Variants in ANO2 observed in about 807,000 individuals in gnomAD.
The protein encoded by ANO2 is anoctamin-2.
In ANO2, 101 loss-of-function variants were observed where a neutral mutation model predicts 124.2. That is an observed-to-expected ratio of 0.81 (90% confidence interval 0.69 to 0.96). The LOEUF (loss-of-function observed/expected upper bound fraction) is 0.96, where lower values mean the gene tolerates loss of function less well. Among genes scored for constraint, ANO2 ranks in the 40% least tolerant of loss-of-function variants. The pLI is 0.00. For synonymous variants in ANO2, 486 were observed against 482.5 expected, an observed-to-expected ratio of 1.01 and a Z score of -0.09; for missense variants, 1,293 against 1,274.5, an observed-to-expected ratio of 1.01 and a Z score of -0.22.
At chr12:5,671,052 G>T (rs1298749796) in intron 14 of ANO2, among the ~76,000 whole-genome samples, 2 of 152,188 alleles carry the variant, frequency 1.3e-5, no homozygotes, top group African/African-American at 4.8e-5. Flanking sequence ...GCTGGCATCT[G>T]CCCTCTCAGA....
At chr12:5,941,561 AAAAT>A (rs1565799516) in intron 1 of ANO2, among the ~76,000 whole-genome samples, 3 of 152,172 alleles carry the variant, frequency 2.0e-5, no homozygotes, top group African/African-American at 7.2e-5. Flanking sequence ...AAGAAGAAAA[AAAAT>A]AAAATAAAAA....
At chr12:5,935,785 A>G (rs1565795143) in intron 1 of ANO2, among the ~76,000 whole-genome samples, 1 of 152,226 alleles carries the variant, frequency 6.6e-6, no homozygotes, top group Non-Finnish European at 1.5e-5. Context: ...CAAGAAGGTT[A>G]AAATATTGAT....
chr12:5,703,533 C>CATTTTT (rs1340507518), intron 14 of ANO2, among the ~76,000 whole-genome samples: 11 of 151,978 alleles, frequency 7.2e-5, no homozygotes, highest in Non-Finnish European at 1.3e-4. Context: ...TATTCATTAG[C>CATTTTT]ATTTTTATTT....
At chr12:5,571,312 G>A (rs1591642805) in intron 23 of ANO2, among the ~76,000 whole-genome samples, 1 of 152,212 alleles carries the variant, frequency 6.6e-6, no homozygotes, top group Non-Finnish European at 1.5e-5. Context: ...TGATGTCACG[G>A]GACTGTTTAC....
At chr12:5,637,018 G>A (rs112900116) in intron 15 of ANO2, among the ~76,000 whole-genome samples, 1 of 150,992 alleles carries the variant, frequency 6.6e-6, no homozygotes, top group African/African-American at 2.4e-5. Context: ...TGTGGGGAGA[G>A]GAGAGGTTAG....
At chr12:5,614,380 T>C (rs150708399) in intron 17 of ANO2, among the ~76,000 whole-genome samples, 17 of 152,258 alleles carry the variant, frequency 1.1e-4, no homozygotes, top group Non-Finnish European at 1.9e-4. Flanking sequence ...ACCATGTTGG[T>C]TGAGGCTCTG....
chr12:5,871,585 T>C (rs1271503219), intron 3 of ANO2, among the ~76,000 whole-genome samples: 1 of 152,150 alleles, frequency 6.6e-6, no homozygotes, highest in African/African-American at 2.4e-5. Context: ...CCTATTGTGA[T>C]CTGTGCACGC....
chr12:5,768,729 G>A (rs1456420621), intron 10 of ANO2, among the ~76,000 whole-genome samples: 3 of 152,250 alleles, frequency 2.0e-5, no homozygotes, highest in East Asian at 1.9e-4. Context: ...GCTGTGGAAC[G>A]ACAGCAGCTG....
intron 16 of ANO2, among the ~76,000 whole-genome samples, chr12:5,616,418 C>T (rs926554501): frequency 6.6e-6 from 1 of 152,202 alleles, no homozygotes. Flanking sequence ...CATCACCTCC[C>T]ATACACCACA....
chr12:5,707,461 C>G (rs1033837887), intron 14 of ANO2, among the ~76,000 whole-genome samples: 4 of 152,180 alleles, frequency 2.6e-5, no homozygotes, highest in African/African-American at 9.7e-5. Flanking sequence ...TCTTTATAGT[C>G]ATTACCACTC....
At chr12:5,760,116 C>A (rs1488899458) in intron 10 of ANO2, among the ~76,000 whole-genome samples, 7 of 152,140 alleles carry the variant, frequency 4.6e-5, no homozygotes, top group Admixed American at 2.6e-4. Context: ...TTCTGCATTT[C>A]TTTCTGTATT....
intron 19 of ANO2, among the ~76,000 whole-genome samples, chr12:5,600,412 C>T (rs1179942797): frequency 6.6e-6 from 1 of 152,196 alleles, no homozygotes; most frequent in Non-Finnish European, 1.5e-5. Flanking sequence ...AAGCCTATGG[C>T]ATTTTGTTAC....
chr12:5,586,146 A>C (rs1283119577), intron 20 of ANO2, among the ~76,000 whole-genome samples: 2 of 152,178 alleles, frequency 1.3e-5, no homozygotes, highest in Non-Finnish European at 2.9e-5. Context: ...TGTATCCCAG[A>C]AGCCTTTTGT....
intron 14 of ANO2, among the ~76,000 whole-genome samples, chr12:5,684,330 G>T (rs761604549): frequency 3.9e-5 from 6 of 152,230 alleles, no homozygotes; most frequent in African/African-American, 1.4e-4. Flanking sequence ...TTGAGTCCCT[G>T]CCATGGGCTT....
At chr12:5,772,456 C>A (rs1470041115) in intron 10 of ANO2, among the ~76,000 whole-genome samples, 5 of 152,144 alleles carry the variant, frequency 3.3e-5, no homozygotes, top group Admixed American at 2.6e-4. Context: ...AGATTAAAAA[C>A]CAGTTAAATG....
rs1941893490 is a variant in ANO2, at chr12:5,923,212, A to ACATGCACACATACACACACG, written c.23-409_23-408insCGTGTGTGTATGTGTGCATG. ...CACACACACGCACGCACACACACCCACATACACACACACATGCACACATAC... is the reference window on the plus strand; with the variant it reads ...CACACACACGCACGCACACACACCCACATGCACACATACACACACGCATACACACACACATGCACACATAC... On this transcript the variant is annotated intron_variant, in intron 1 of 24. Coordinates refer to ENST00000682330, the MANE Select transcript of ANO2 (RefSeq NM_001364791.2). Among the ~76,000 whole-genome samples the ACATGCACACATACACACACG allele has an allele frequency of 4.8e-5, 7 of 147,280 alleles. 2 individuals carry two copies. Among genetic ancestry groups the ACATGCACACATACACACACG allele is most frequent in the African/African-American group, 1.8e-4 (7 of 39,730 alleles).
At position 5,739,364 on chromosome 12, in the gene ANO2, T is replaced by C; in HGVS notation, c.1387A>G (p.Met463Val). 1 of 1,607,550 alleles carries C rather than the reference T, an allele frequency of 6.2e-7. No homozygotes were observed. Among genetic ancestry groups the C allele is most frequent in the Non-Finnish European group, 8.5e-7 (1 of 1,177,134 alleles). ...MFLENWKRLQ[M>V]RLGYFWDLTG... Reference sequence around the variant, plus strand: ...AGGTCCCAAAAGTAGCCCAGTCGCATCTGTAGCCTCTTCCAGTTTTCCAGG... The same window carrying C: ...AGGTCCCAAAAGTAGCCCAGTCGCACCTGTAGCCTCTTCCAGTTTTCCAGG... Residue 463 changes from methionine to valine, a missense_variant, in exon 13 of 25, where the codon ATG becomes GTG. Transcript: ENST00000682330.
At chr12:5,666,440 C>T (rs1046314011) in intron 14 of ANO2, among the ~76,000 whole-genome samples, 1 of 152,134 alleles carries the variant, frequency 6.6e-6, no homozygotes, top group Non-Finnish European at 1.5e-5. Flanking sequence ...GGGCAGGTAT[C>T]CCAGGACTGC....
intron 23 of ANO2, among the ~76,000 whole-genome samples, chr12:5,569,524 G>C (rs1429209776): frequency 6.6e-6 from 1 of 152,148 alleles, no homozygotes; most frequent in Non-Finnish European, 1.5e-5. Context: ...CCAATAATGA[G>C]ACAACTAGCC....
Sources: allele counts gnomAD v4.1 joint callset (sites outside exome capture counted in the v4.1 genomes callset), GRCh38; gene constraint gnomAD v4.1.1; transcripts MANE v1.5; gene names NCBI Gene and HGNC (gene_info 2026-07-23, HGNC 2026-07-21).